The following PNPLA1 variants were observed in gnomAD, a reference collection of about 807,000 sequenced individuals.
PNPLA1 encodes the protein omega-hydroxyceramide transacylase.
In PNPLA1, 36 loss-of-function variants were observed where a neutral mutation model predicts 51.7. The observed-to-expected ratio is 0.70, with a 90% CI of 0.53 to 0.92. The LOEUF (loss-of-function observed/expected upper bound fraction) is 0.92. Among genes scored for constraint, PNPLA1 ranks in the 40% least tolerant of loss-of-function variants. The pLI, the probability that PNPLA1 is intolerant of heterozygous loss-of-function variation, is 0.00. For synonymous variants in PNPLA1, 293 were observed against 280.1 expected (o/e 1.05, Z -0.46); for missense variants, 658 against 682.5 (o/e 0.96, Z 0.40).
At chr6:36,295,547 G>T in intron 5 of PNPLA1, 123 bp downstream of exon 5, 3 of 1,064,064 alleles carry the variant, frequency 2.8e-6, no homozygotes, top group Non-Finnish European at 2.8e-6. Context: ...CCTTCACCTG[G>T]GAGAGCTGGA....
rs567348788 is a variant in PNPLA1 at position 36,294,732 on chromosome 6, C to T, written c.714+333C>T. Among the ~76,000 whole-genome samples, 10 of 152,262 alleles carry T rather than the reference C, an allele frequency of 6.6e-5. No homozygotes were observed. The East Asian group carries it at 1.9e-3, about 29-fold the overall frequency. The stretch of plus-strand genomic sequence containing the variant: ...CTGCAGCCCACGGGCCAAATCTAGC[C>T]TATGGCTTGTTTTTGTACAGCCTGT... On this transcript the variant is annotated intron_variant, in intron 4 of 8. Coordinates refer to ENST00000636260, the MANE Select transcript of PNPLA1 (RefSeq NM_001374623.1). This position sits in a 1 kb window ranked among gnomAD's most constrained non-coding sequence, Gnocchi z 4.2.
chr6:36,289,394 G>A (rs377238251), intron 1 of PNPLA1, among the ~76,000 whole-genome samples: 35 of 152,180 alleles, frequency 2.3e-4, no homozygotes, highest in African/African-American at 8.0e-4. Context: ...ATCCAAATGA[G>A]CAGTTGCCGC....
intron 5 of PNPLA1, among the ~76,000 whole-genome samples, chr6:36,300,174 T>TGAGA (rs1451824406): frequency 0.016 from 1,137 of 71,350 alleles, 20 homozygotes; most frequent in African/African-American, 0.042. Flanking sequence ...TGTGTGTGTG[T>TGAGA]GTGTGAGAGA....
At chr6:36,278,429 G>T (rs1770176654) in intron 1 of PNPLA1, among the ~76,000 whole-genome samples, 1 of 152,224 alleles carries the variant, frequency 6.6e-6, no homozygotes, top group African/African-American at 2.4e-5. Flanking sequence ...ACAGTGTCAA[G>T]GTCAGTAAGT....
At position 36,302,424 on chromosome 6, in the gene PNPLA1, C is replaced by T. The variant is rs1771090642; in HGVS notation, c.1339C>T (p.Pro447Ser). 1 of 1,567,092 alleles carries T rather than the reference C, an allele frequency of 6.4e-7. No individual in the cohort carries two copies. Among genetic ancestry groups the T allele is most frequent in the South Asian group, 1.2e-5 (1 of 82,430 alleles). ...TLPRSSLSAF[P>S]AQPPVEELGQ... Reference sequence around the variant, plus strand: ...GCCCCGAAGTTCTCTTTCAGCCTTCCCTGCTCAGCCACCTGTGGAGGAACT... The same window carrying T: ...GCCCCGAAGTTCTCTTTCAGCCTTCTCTGCTCAGCCACCTGTGGAGGAACT... The change falls in exon 6 of 9, where the codon CCT becomes TCT. Residue 447 changes from proline (P) to serine (S), a missense_variant. Pro to Ser is a moderately conservative substitution (Grantham distance 74). Coordinates refer to ENST00000636260, the MANE Select transcript of PNPLA1 (RefSeq NM_001374623.1).
intron 1 of PNPLA1, among the ~76,000 whole-genome samples, chr6:36,271,659 GA>G (rs1769920112): frequency 1.3e-5 from 2 of 152,232 alleles, no homozygotes; most frequent in African/African-American, 4.8e-5. Context: ...TGGGTATAGT[GA>G]TAGAACAAGC....
chr6:36,301,960 G>A lies in PNPLA1; in HGVS notation c.875G>A (p.Arg292His), dbSNP rs759728136. 3.4e-5 allele frequency: 55 copies of A among 1,614,166 alleles called. No individual in the cohort carries two copies. Among genetic ancestry groups the A allele is most frequent in the Middle Eastern group, 3.3e-4 (2 of 6,062 alleles). Residue 292 changes from arginine (R) to histidine (H), a missense_variant, in exon 6 of 9, where the codon CGC becomes CAC. By Grantham distance (29) the Arg-to-His change is conservative. Coordinates refer to ENST00000636260, the MANE Select transcript of PNPLA1 (RefSeq NM_001374623.1). The part of the protein sequence containing the change: ...ELALGNECPE[R>H]SQPSLRARQA... ...GCCCTTGGCAATGAGTGCCCTGAAC[G>A]CAGTCAACCAAGCCTTCGAGCACGG...
Position 36,291,556 on chromosome 6 carries a change from A to AG in PNPLA1, c.438+9dup. The AG allele has an allele frequency of 6.3e-6, 1 of 158,214 alleles. No individual in the cohort carries two copies. The highest frequency in any genetic ancestry group is 1.2e-5 in the Non-Finnish European group (1 of 85,476). 9.8% of individuals were successfully genotyped at this position (158,214 alleles called of 1,614,324 possible). A position where few individuals can be genotyped will look rare whatever the true frequency, so the allele number is the denominator to read the frequency against. ...GTCCAAGGAGGAGCTCATTGAGGCA[A>AG]GGGGGCTGGGCTGGGAGGGAGGGAC... On this transcript the variant is annotated splice_donor_region_variant and intron_variant, in intron 2 of 8. Coordinates refer to ENST00000636260, the MANE Select transcript of PNPLA1 (RefSeq NM_001374623.1).
chr6:36,258,011 G>A (rs1769566694), intron 1 of PNPLA1, among the ~76,000 whole-genome samples: 1 of 152,152 alleles, frequency 6.6e-6, no homozygotes, highest in Non-Finnish European at 1.5e-5. Flanking sequence ...TTTTTGTAGA[G>A]ATGAGGTTTT....
chr6:36,276,552 A>G (rs1014618344), intron 1 of PNPLA1, among the ~76,000 whole-genome samples: 1 of 152,192 alleles, frequency 6.6e-6, no homozygotes, highest in Non-Finnish European at 1.5e-5. Flanking sequence ...CAGAATTTCC[A>G]ATCTTGTCAG....
intron 1 of PNPLA1, among the ~76,000 whole-genome samples, chr6:36,264,412 G>T (rs1198358058): frequency 6.6e-6 from 1 of 152,078 alleles, no homozygotes; most frequent in Non-Finnish European, 1.5e-5. Context: ...ACAGCAATTT[G>T]CAAAATAAAG....
At chr6:36,276,742 C>A (rs1311350204) in intron 1 of PNPLA1, among the ~76,000 whole-genome samples, 1 of 146,782 alleles carries the variant, frequency 6.8e-6, no homozygotes, top group African/African-American at 2.6e-5. Flanking sequence ...TCGTTCCTTT[C>A]TTCGTTCGTT....
intron 1 of PNPLA1, among the ~76,000 whole-genome samples, chr6:36,244,333 A>G (rs1769216331): frequency 2.0e-5 from 3 of 152,158 alleles, no homozygotes; most frequent in Admixed American, 1.3e-4. Flanking sequence ...AGTATATTCC[A>G]TAGATATTCT....
chr6:36,251,860 G>C (rs1263234929), intron 1 of PNPLA1, among the ~76,000 whole-genome samples: 2 of 151,686 alleles, frequency 1.3e-5, no homozygotes, highest in African/African-American at 4.8e-5. Context: ...CAGGAGGATT[G>C]CTTGGGCCCA....
chr6:36,271,028 TG>T (rs1460427286), intron 1 of PNPLA1, among the ~76,000 whole-genome samples: 2 of 152,174 alleles, frequency 1.3e-5, no homozygotes, highest in African/African-American at 4.8e-5. Context: ...TGGGGTTCAG[TG>T]TTGCTCCTGC....
intron 8 of PNPLA1, 156 bp downstream of exon 8, chr6:36,307,868 C>A: frequency 1.1e-6 from 1 of 940,856 alleles, no homozygotes; most frequent in Non-Finnish European, 1.5e-6. Context: ...AAAATTCCTG[C>A]TCTGCCACAG....
At chr6:36,285,973 G>A (rs147789037) in intron 1 of PNPLA1, among the ~76,000 whole-genome samples, 2 of 152,268 alleles carry the variant, frequency 1.3e-5, no homozygotes, top group Non-Finnish European at 2.9e-5. Context: ...CCACACATGA[G>A]CCTGACCACA....
intron 1 of PNPLA1, among the ~76,000 whole-genome samples, chr6:36,273,462 G>T (rs1217906804): frequency 2.0e-5 from 3 of 151,694 alleles, no homozygotes; most frequent in African/African-American, 7.3e-5. Flanking sequence ...TGGGGGTAGG[G>T]TGACAGCCCC....
At chr6:36,303,348 C>A (rs1406309619) in intron 6 of PNPLA1, among the ~76,000 whole-genome samples, 1 of 152,214 alleles carries the variant, frequency 6.6e-6, no homozygotes, top group Non-Finnish European at 1.5e-5. Flanking sequence ...CCGCCTTGGC[C>A]TCCCAAAGTG....
Sources: gnomAD v4.1 joint callset for allele counts (sites outside exome capture counted in the v4.1 genomes callset) on GRCh38, gnomAD v4.1.1 for gene constraint, Gnocchi (gnomAD v3.1) non-coding constraint, MANE v1.5 for transcripts, NCBI Gene and HGNC (gene_info 2026-07-23, HGNC 2026-07-21) for gene names.